The following OR2V2 variants were observed in gnomAD, a reference collection of about 807,000 sequenced individuals.
OR2V2 encodes olfactory receptor 2V2.
For missense variants in OR2V2, 392 were observed against 392.2 expected, an observed-to-expected ratio of 1.00 and a Z score of 0.00; for synonymous variants, 161 against 151.3, an observed-to-expected ratio of 1.06 and a Z score of -0.47.
chr5:181,148,140 T>C, intron 1 of OR2V2, 145 bp downstream of exon 1: 1 of 392,000 alleles, frequency 2.6e-6, no homozygotes, highest in Non-Finnish European at 4.5e-6. Context: ...ATTGTTTGGA[T>C]TTTTGGGGGG....
At position 181,156,039 on chromosome 5, in the gene OR2V2, G is replaced by GTTGTTTCTTTCTTTCTTTCT; in HGVS notation, c.*151_*152insGTTTCTTTCTTTCTTTCTTT. On this transcript the variant is annotated 3_prime_UTR_variant, in exon 2 of 2. Transcript: ENST00000641492. ...GAAGGTCTTTTTAAACACTACATCAGTTCTTTCTTTCTTTCTTTCTTTCTT... is the reference window on the plus strand; with the variant it reads ...GAAGGTCTTTTTAAACACTACATCAGTTGTTTCTTTCTTTCTTTCTTTCTTTCTTTCTTTCTTTCTTTCTT... The GTTGTTTCTTTCTTTCTTTCT allele has an allele frequency of 2.0e-6, 1 of 493,946 alleles. No individual in the cohort carries two copies. The highest frequency in any genetic ancestry group is 4.9e-5 in the South Asian group (1 of 20,380). 30.6% of individuals were successfully genotyped at this position (493,946 alleles called of 1,614,324 possible). A position where few individuals can be genotyped will look rare whatever the true frequency, so the allele number is the denominator to read the frequency against.
chr5:181,155,181 C>G lies in OR2V2; in HGVS notation c.239C>G (p.Pro80Arg). 2 of 1,614,166 alleles carry G rather than the reference C, an allele frequency of 1.2e-6. No homozygotes were observed. Among genetic ancestry groups the G allele is most frequent in the Non-Finnish European group, 1.7e-6 (2 of 1,180,052 alleles). The change falls in exon 2 of 2, where the codon CCA (proline) becomes CGA (arginine). Residue 80 changes from proline to arginine, a missense_variant. Coordinates refer to ENST00000641492, the MANE Select transcript of OR2V2 (RefSeq NM_206880.2). ...CTCATGTTGGTCTGTACCAATGTGC[C>G]AAAGATGGCAGCCAACTTCCTGTCT... ...MDLMLVCTNV[P>R]KMAANFLSGR...
At chr5:181,148,025 T>G (rs1442666886) in intron 1 of OR2V2, 30 bp downstream of exon 1, 1 of 398,784 alleles carries the variant, frequency 2.5e-6, no homozygotes, top group African/African-American at 2.1e-5. Context: ...TGTCGTCCCC[T>G]CTCTCTTCCC....
In OR2V2 at chr5:181,155,849, AG is replaced by A. The variant is rs1763257799; in HGVS notation, c.909del (p.Lys304ArgfsTer32). The stretch of plus-strand genomic sequence containing the variant: ...GAACAGGGAGGTGATGGGGGCACTG[AG>A]GAAGGGGCTGGACCGCTGCAGGATC... ...LRNREVMGAL[R>X]KGLDRCRIGS... is the part of the protein sequence containing the mutation. On this transcript the variant is annotated frameshift_variant, in exon 2 of 2. Coordinates refer to ENST00000641492, the MANE Select transcript of OR2V2 (RefSeq NM_206880.2). LOFTEE classifies it low-confidence loss of function (END_TRUNC). The A allele has an allele frequency of 6.2e-7, 1 of 1,614,052 alleles. No homozygotes were observed. The highest frequency in any genetic ancestry group is 1.3e-5 in the African/African-American group (1 of 74,930).
At position 181,158,336 on chromosome 5, in the gene OR2V2, T is replaced by TGGC. The variant is rs1763292744; in HGVS notation, c.*2448_*2449insCGG. On this transcript the variant is annotated 3_prime_UTR_variant, in exon 2 of 2. Transcript: ENST00000641492. Reference sequence around the variant, plus strand: ...AAATAATATAGAGAGGAAATACATGTGGGGGGGGGGCAGGTGCGGTGGCTC... The same window carrying TGGC: ...AAATAATATAGAGAGGAAATACATGTGGCGGGGGGGGGGCAGGTGCGGTGGCTC... The TGGC allele has an allele frequency of 1.4e-5, 2 of 146,060 alleles. No individual in the cohort carries two copies. The highest frequency in any genetic ancestry group is 6.7e-5 in the Admixed American group (1 of 14,832). 9.0% of individuals were successfully genotyped at this position (146,060 alleles called of 1,614,324 possible). A position where few individuals can be genotyped will look rare whatever the true frequency, so the allele number is the denominator to read the frequency against.
At position 181,149,860 on chromosome 5, in the gene OR2V2, C is replaced by T. The variant is rs1018204751; in HGVS notation, c.-25+1865C>T. Among the ~76,000 whole-genome samples, 13 of 152,098 alleles carry T rather than the reference C, an allele frequency of 8.5e-5. No individual in the cohort carries two copies. The East Asian group carries it at 1.9e-3, about 22-fold the overall frequency. On this transcript the variant is annotated intron_variant, in intron 1 of 1. Coordinates refer to ENST00000641492, the MANE Select transcript of OR2V2 (RefSeq NM_206880.2). ...CTGAAGAAACATGGAAATGTAAACACGGAGTGAAAGGAAGAGAGAGATGGA... is the reference window on the plus strand; with the variant it reads ...CTGAAGAAACATGGAAATGTAAACATGGAGTGAAAGGAAGAGAGAGATGGA...
chr5:181,148,387 C>T (rs888744967), intron 1 of OR2V2, among the ~76,000 whole-genome samples: 3 of 152,046 alleles, frequency 2.0e-5, no homozygotes, highest in Admixed American at 6.6e-5. Context: ...TGATGTGGGA[C>T]GGGGTCCTCT....
At chr5:181,153,468 C>T (rs553790824) in intron 1 of OR2V2, among the ~76,000 whole-genome samples, 1 of 152,216 alleles carries the variant, frequency 6.6e-6, no homozygotes, top group South Asian at 2.1e-4. Flanking sequence ...AGGCGGATCG[C>T]TTGGGCTCAG....
rs1179695713 is a variant in OR2V2 at position 181,155,507 on chromosome 5, G to A, written c.565G>A (p.Ala189Thr). The A allele has an allele frequency of 6.2e-7, 1 of 1,614,152 alleles. No homozygotes were observed. Among genetic ancestry groups the A allele is most frequent in the South Asian group, 1.1e-5 (1 of 91,084 alleles). The change falls in exon 2 of 2, where the codon GCC (alanine) becomes ACC (threonine). Residue 189 changes from alanine (A) to threonine (T), a missense_variant. Ala to Thr is a moderately conservative substitution (Grantham distance 58). Transcript: ENST00000641492. ...FCEMLSLLKL[A>T]CVDTSLFEKV... ...TGAGATGCTATCCTTGTTGAAGCTG[G>A]CCTGTGTAGACACATCCCTGTTTGA...
At chr5:181,151,570 C>A (rs1265481547) in intron 1 of OR2V2, among the ~76,000 whole-genome samples, 2 of 152,134 alleles carry the variant, frequency 1.3e-5, no homozygotes, top group African/African-American at 4.8e-5. Flanking sequence ...GAGCTGAGCC[C>A]TTAAGGACAT....
At chr5:181,153,461 C>T (rs774149734) in intron 1 of OR2V2, among the ~76,000 whole-genome samples, 37 of 151,922 alleles carry the variant, frequency 2.4e-4, no homozygotes, top group African/African-American at 4.4e-4. Flanking sequence ...CCACGTCAGG[C>T]GGATCGCTTG....
chr5:181,150,200 G>A (rs1057345262), intron 1 of OR2V2, among the ~76,000 whole-genome samples: 8 of 152,194 alleles, frequency 5.3e-5, no homozygotes, highest in Non-Finnish European at 1.2e-4. Flanking sequence ...GACGTGCTCC[G>A]CTCTGTGGAA....
chr5:181,159,099 A>T lies in OR2V2; in HGVS notation c.*3209A>T, dbSNP rs547137274. 2 of 152,192 alleles carry T rather than the reference A, an allele frequency of 1.3e-5. No individual in the cohort carries two copies. Among genetic ancestry groups the T allele is most frequent in the Admixed American group, 6.5e-5 (1 of 15,280 alleles). The allele number at this position is 152,192 out of a possible 1,614,324, so 9.4% of individuals were successfully genotyped here. On this transcript the variant is annotated 3_prime_UTR_variant, in exon 2 of 2. Coordinates refer to ENST00000641492, the MANE Select transcript of OR2V2 (RefSeq NM_206880.2). ...ACTCAGAGAGATCCTATCTCTACAGATTAGAAATGTTCCATTTCAGCTGGA... is the reference window on the plus strand; with the variant it reads ...ACTCAGAGAGATCCTATCTCTACAGTTTAGAAATGTTCCATTTCAGCTGGA...
rs568260498 is a variant in OR2V2, at chr5:181,147,973, C to T, written c.-47C>T. The T allele has an allele frequency of 1.3e-4, 51 of 398,364 alleles. No homozygotes were observed. The highest frequency in any genetic ancestry group is 9.9e-4 in the African/African-American group (48 of 48,514). The allele number at this position is 398,364 out of a possible 1,614,324, so 24.7% of individuals were successfully genotyped here. ...CACAGGTGACTCTGCTGAGTTTGTT[C>T]CCCTGCAGGGACCCACCCACAGGTG... On this transcript the variant is annotated 5_prime_UTR_variant, in exon 1 of 2. Transcript: ENST00000641492.
intron 1 of OR2V2, among the ~76,000 whole-genome samples, chr5:181,154,431 T>C (rs1043720040): frequency 1.3e-5 from 2 of 151,704 alleles, no homozygotes; most frequent in African/African-American, 4.8e-5. Flanking sequence ...CTACTAAAAA[T>C]ACAAAAAAAT....
At chr5:181,154,393 T>C (rs1763229047) in intron 1 of OR2V2, among the ~76,000 whole-genome samples, 1 of 151,980 alleles carries the variant, frequency 6.6e-6, no homozygotes, top group South Asian at 2.1e-4. Flanking sequence ...ATCGAGAGCA[T>C]CCTGCCTAAC....
At chr5:181,148,059 G>T (rs1165153480) in intron 1 of OR2V2, 64 bp downstream of exon 1, 4 of 398,942 alleles carry the variant, frequency 1.0e-5, no homozygotes, top group African/African-American at 6.2e-5. Flanking sequence ...CCCGTTGCTG[G>T]TTCACGTCCC....
In OR2V2 at chr5:181,155,910, T is replaced by A; in HGVS notation, c.*20T>A. On this transcript the variant is annotated 3_prime_UTR_variant, in exon 2 of 2. Coordinates refer to ENST00000641492, the MANE Select transcript of OR2V2 (RefSeq NM_206880.2). ...CACTGAACCCAGGGCATCCAGTGCC[T>A]GGCTCTGCCATCTCTTAGCTCCAGG... 1 of 1,592,034 alleles carries A rather than the reference T, an allele frequency of 6.3e-7. No individual in the cohort carries two copies. Among genetic ancestry groups the A allele is most frequent in the African/African-American group, 1.3e-5 (1 of 74,518 alleles).
At chr5:181,154,840 C>A (rs1255033994) in intron 1 of OR2V2, 79 bp from the exon 2 acceptor site, 2 of 823,738 alleles carry the variant, frequency 2.4e-6, no homozygotes, top group Non-Finnish European at 4.1e-6. Flanking sequence ...TTGCACACAA[C>A]ACAGCTGACT....
Sources: gnomAD v4.1 joint callset for allele counts (sites outside exome capture counted in the v4.1 genomes callset) on GRCh38, gnomAD v4.1.1 for gene constraint, MANE v1.5 for transcripts, NCBI Gene and HGNC (gene_info 2026-07-23, HGNC 2026-07-21) for gene names.